LRRIQ3: variants seen among roughly 807,000 people sequenced by gnomAD.
The protein encoded by LRRIQ3 is leucine rich repeats and IQ motif containing 3.
LRRIQ3 carries 75 observed loss-of-function variants against 59.3 expected under a neutral mutation model. The observed-to-expected ratio is 1.26, with a 90% CI of 1.05 to 1.53. LRRIQ3 has a LOEUF of 1.53. Ranked by LOEUF, LRRIQ3 falls within the 40% of genes most tolerant of loss-of-function variation. The pLI is 0.00. For synonymous variants in LRRIQ3, 250 were observed against 231.3 expected (o/e 1.08, Z -0.73); for missense variants, 831 against 710.0 (o/e 1.17, Z -1.94).
chr1:74,071,148 TATC>T (rs1557602006), intron 6 of LRRIQ3, among the ~76,000 whole-genome samples: 1 of 151,884 alleles, frequency 6.6e-6, no homozygotes, highest in African/African-American at 2.4e-5. Context: ...ATCTATTGTC[TATC>T]ATCTATCTAT....
intron 3 of LRRIQ3, among the ~76,000 whole-genome samples, chr1:74,169,914 T>C (rs1649217090): frequency 6.6e-6 from 1 of 152,158 alleles, no homozygotes; most frequent in African/African-American, 2.4e-5. Context: ...CTCATATGAT[T>C]AGTAGTGTTA....
intron 5 of LRRIQ3, among the ~76,000 whole-genome samples, chr1:74,105,191 T>C (rs566789416): frequency 6.6e-6 from 1 of 152,068 alleles, no homozygotes; most frequent in South Asian, 2.1e-4. Flanking sequence ...ATGAACACTA[T>C]TAATATCTTG....
intron 5 of LRRIQ3, chr1:74,082,920 T>C (rs1329218921): frequency 6.6e-6 from 1 of 151,674 alleles, no homozygotes; most frequent in African/African-American, 2.4e-5. Flanking sequence ...ATATTCATTT[T>C]AGGATTTCAG....
intron 3 of LRRIQ3, among the ~76,000 whole-genome samples, chr1:74,174,168 C>T (rs1017512537): frequency 6.6e-6 from 1 of 152,020 alleles, no homozygotes; most frequent in Non-Finnish European, 1.5e-5. Context: ...TATTGTTTTA[C>T]TTGATGGTGT....
chr1:74,087,916 G>A (rs939282790), intron 5 of LRRIQ3, among the ~76,000 whole-genome samples: 4 of 151,808 alleles, frequency 2.6e-5, no homozygotes, highest in Admixed American at 6.6e-5. Flanking sequence ...GGCCAATACG[G>A]TGAAACCCTG....
At chr1:74,146,677 G>A (rs1490357894) in intron 4 of LRRIQ3, among the ~76,000 whole-genome samples, 1 of 152,018 alleles carries the variant, frequency 6.6e-6, no homozygotes, top group Non-Finnish European at 1.5e-5. Context: ...TGAAATATGG[G>A]CCTGAGTCCT....
intron 6 of LRRIQ3, 88 bp from the exon 7 acceptor site, chr1:74,042,021 G>T: frequency 7.8e-7 from 1 of 1,287,736 alleles, no homozygotes. Flanking sequence ...AACTTGATAA[G>T]AACCTTTTAT....
At chr1:74,045,902 G>T (rs1041596952) in intron 6 of LRRIQ3, among the ~76,000 whole-genome samples, 1 of 152,084 alleles carries the variant, frequency 6.6e-6, no homozygotes, top group Non-Finnish European at 1.5e-5. Context: ...GCTAACAAGG[G>T]ATGTGAGGGA....
chr1:74,073,298 G>A (rs1450518367), intron 6 of LRRIQ3, among the ~76,000 whole-genome samples: 3 of 152,200 alleles, frequency 2.0e-5, no homozygotes, highest in African/African-American at 7.2e-5. Flanking sequence ...GATTGCCTGA[G>A]CTCAGGAGTT....
intron 5 of LRRIQ3, among the ~76,000 whole-genome samples, chr1:74,090,664 G>A (rs889201508): frequency 1.5e-4 from 23 of 152,032 alleles, no homozygotes; most frequent in African/African-American, 5.6e-4. Context: ...AATGTAGGAG[G>A]ACTGCTTGAG....
chr1:74,155,700 C>G (rs777980867), intron 4 of LRRIQ3, 33 bp downstream of exon 4: 1 of 1,523,238 alleles, frequency 6.6e-7, no homozygotes, highest in Non-Finnish European at 8.8e-7. Context: ...CTTCTTATTT[C>G]AATATTCAAA....
chr1:74,056,788 C>T (rs902551461), intron 6 of LRRIQ3, among the ~76,000 whole-genome samples: 1 of 152,098 alleles, frequency 6.6e-6, no homozygotes, highest in Non-Finnish European at 1.5e-5. Flanking sequence ...GTCCATACTA[C>T]CCGATATGTG....
intron 4 of LRRIQ3, among the ~76,000 whole-genome samples, chr1:74,119,140 ATTTTATT>A (rs1303456281): frequency 8.4e-6 from 1 of 119,496 alleles, no homozygotes; most frequent in East Asian, 5.1e-4. Context: ...AAAAATTGTC[ATTTTATT>A]TTTTAAAATG....
intron 4 of LRRIQ3, among the ~76,000 whole-genome samples, chr1:74,126,877 T>G (rs963289924): frequency 6.6e-6 from 1 of 151,970 alleles, no homozygotes; most frequent in Non-Finnish European, 1.5e-5. Context: ...TGGTCTATAA[T>G]GTAGTCTAAG....
At chr1:74,147,489 T>C (rs1220285893) in intron 4 of LRRIQ3, among the ~76,000 whole-genome samples, 1 of 152,188 alleles carries the variant, frequency 6.6e-6, no homozygotes, top group Non-Finnish European at 1.5e-5. Flanking sequence ...CTGACAATCA[T>C]AGTAGAGAAT....
At chr1:74,148,898 A>G (rs796139460) in intron 4 of LRRIQ3, among the ~76,000 whole-genome samples, 25 of 152,262 alleles carry the variant, frequency 1.6e-4, no homozygotes, top group African/African-American at 5.5e-4. Flanking sequence ...TGAGGACACA[A>G]TTGGCTTATA....
chr1:74,057,796 T>C (rs114363721), intron 6 of LRRIQ3, among the ~76,000 whole-genome samples: 2 of 152,006 alleles, frequency 1.3e-5, no homozygotes, highest in East Asian at 1.9e-4. Flanking sequence ...ATCAGCAGAA[T>C]TGGAGAACAT....
chr1:74,069,954 T>C (rs1175406705), intron 6 of LRRIQ3, among the ~76,000 whole-genome samples: 1 of 151,980 alleles, frequency 6.6e-6, no homozygotes, highest in Admixed American at 6.6e-5. Context: ...AGAATGGTTA[T>C]TATAAAAAGT....
In LRRIQ3 at chr1:74,183,646, A is replaced by G; in HGVS notation, c.39T>C (p.His13=). 1 of 1,609,426 alleles carries G rather than the reference A, an allele frequency of 6.2e-7. No individual in the cohort carries two copies. Among genetic ancestry groups the G allele is most frequent in the Non-Finnish European group, 8.5e-7 (1 of 1,177,650 alleles). The change falls in exon 2 of 8, where the codon CAT becomes CAC. Residue 13 remains histidine, a synonymous_variant. Coordinates refer to ENST00000354431, the MANE Select transcript of LRRIQ3 (RefSeq NM_001105659.2). ...HGTVTEELTS[H]EEWSHYNENI... ...TTTCATTATAGTGACTCCATTCTTCATGACTGGTTAGCTCTTCTGTGACTG... is the reference window on the plus strand; with the variant it reads ...TTTCATTATAGTGACTCCATTCTTCGTGACTGGTTAGCTCTTCTGTGACTG...
Sources: allele counts gnomAD v4.1 joint callset (sites outside exome capture counted in the v4.1 genomes callset), GRCh38; gene constraint gnomAD v4.1.1; transcripts MANE v1.5; gene names NCBI Gene and HGNC (gene_info 2026-07-23, HGNC 2026-07-21).